The following PRLR variants were observed in gnomAD, a reference collection of about 807,000 sequenced individuals.
The protein encoded by PRLR is hPRL receptor.
PRLR carries 13 observed loss-of-function variants against 40.2 expected under a neutral mutation model. The observed-to-expected ratio is 0.32, with a 90% CI of 0.21 to 0.51. The LOEUF is 0.51. PRLR is among the 20% of genes least tolerant of loss of function. PRLR has a pLI of 0.97. For synonymous variants in PRLR, 269 were observed against 278.7 expected, an observed-to-expected ratio of 0.97 and a Z score of 0.35; for missense variants, 656 against 747.3, an observed-to-expected ratio of 0.88 and a Z score of 1.42.
chr5:35,208,026 C>T (rs1332029984), intron 1 of PRLR, among the ~76,000 whole-genome samples: 2 of 152,092 alleles, frequency 1.3e-5, no homozygotes, highest in Admixed American at 6.6e-5. Context: ...TACACTGAAG[C>T]ATTGCTTGTC....
At chr5:35,193,048 T>G (rs1259524337) in intron 1 of PRLR, among the ~76,000 whole-genome samples, 1 of 152,004 alleles carries the variant, frequency 6.6e-6, no homozygotes, top group Non-Finnish European at 1.5e-5. Context: ...AGCAACAGAG[T>G]CACCATGGGG....
chr5:35,220,593 T>C (rs193156498), intron 1 of PRLR, among the ~76,000 whole-genome samples: 3 of 152,318 alleles, frequency 2.0e-5, no homozygotes. Flanking sequence ...TTCCTCTTAC[T>C]GGAATCTAAA....
intron 1 of PRLR, among the ~76,000 whole-genome samples, chr5:35,193,565 T>C (rs1775660569): frequency 1.3e-5 from 2 of 152,128 alleles, no homozygotes; most frequent in South Asian, 4.1e-4. Context: ...AGCTAGGAAA[T>C]TCTGACTGGC....
At chr5:35,083,373 T>C (rs1442618560) in intron 5 of PRLR, among the ~76,000 whole-genome samples, 1 of 152,046 alleles carries the variant, frequency 6.6e-6, no homozygotes, top group African/African-American at 2.4e-5. Context: ...AGCTTGGAGA[T>C]GACCTTCCTG....
rs190564238 is a variant in PRLR, at chr5:35,161,955, G to T, written c.-105-43833C>A. ...ACAGAAAAAGCTTGAGGTTTGTCAG[G>T]TGATACTTTTTAAAGCCAATTTTCC... On this transcript the variant is annotated intron_variant, in intron 1 of 9. Transcript: ENST00000618457. 2.6e-4 allele frequency among the ~76,000 whole-genome samples: 40 copies of T among 152,322 alleles called. No individual in the cohort carries two copies. In the East Asian group the frequency reaches 7.5e-3, roughly 29 times the overall value.
intron 2 of PRLR, among the ~76,000 whole-genome samples, chr5:35,105,439 G>A (rs1772173589): frequency 1.3e-5 from 2 of 152,214 alleles, no homozygotes; most frequent in South Asian, 4.1e-4. Flanking sequence ...TGAGCTAAAG[G>A]AGGGTGTTCA....
intron 2 of PRLR, among the ~76,000 whole-genome samples, chr5:35,106,379 T>A (rs1772251666): frequency 6.6e-6 from 1 of 152,144 alleles, no homozygotes; most frequent in Non-Finnish European, 1.5e-5. Flanking sequence ...CATAACAATA[T>A]TAACCTTAAA....
intron 1 of PRLR, among the ~76,000 whole-genome samples, chr5:35,186,823 T>G (rs1368000647): frequency 6.6e-6 from 1 of 152,176 alleles, no homozygotes; most frequent in African/African-American, 2.4e-5. Context: ...TATAAGTGGT[T>G]ACACTAGGAA....
In PRLR at chr5:35,086,338, G is replaced by A; in HGVS notation, c.73C>T (p.Gln25Ter). 6 of 1,613,218 alleles carry A rather than the reference G, an allele frequency of 3.7e-6. No individual in the cohort carries two copies. The highest frequency in any genetic ancestry group is 5.1e-6 in the Non-Finnish European group (6 of 1,179,662). Residue 25 changes from glutamine (Q) to a stop codon, truncating the protein, a stop_gained and splice_region_variant, in exon 4 of 10, where the codon CAG becomes TAG. Transcript: ENST00000618457. LOFTEE classifies it high-confidence loss of function. The stretch of plus-strand genomic sequence containing the variant: ...ATCTCAGGTTTTCCAGGAGGTAACT[G>A]TCCTAGAAAAAGCCAGAAGCCACTG... ...LFLNTCLLNGQLPPGKPEIFK... is the reference protein window; with the variant it reads ...LFLNTCLLNG
At position 35,065,302 on chromosome 5, in the gene PRLR, G is replaced by C. The variant is rs1367288320; in HGVS notation, c.1656C>G (p.Val552=). The C allele has an allele frequency of 2.5e-6, 4 of 1,614,038 alleles. No homozygotes were observed. The African/African-American group carries it at 5.3e-5, about 22-fold the overall frequency. ...CCAACACCAGGATGTTGTTATCCATGACCCCGGACACCTTGGCATACTCCT... is the reference window on the plus strand; with the variant it reads ...CCAACACCAGGATGTTGTTATCCATCACCCCGGACACCTTGGCATACTCCT... ...NNKEYAKVSG[V]MDNNILVLVP... The change falls in exon 10 of 10, where the codon GTC becomes GTG. Residue 552 remains valine, a synonymous_variant. Coordinates refer to ENST00000618457, the MANE Select transcript of PRLR (RefSeq NM_000949.7).
chr5:35,157,186 C>T (rs949330538), intron 1 of PRLR, among the ~76,000 whole-genome samples: 1 of 152,104 alleles, frequency 6.6e-6, no homozygotes, highest in Non-Finnish European at 1.5e-5. Context: ...TGCAGGCAGT[C>T]CTTCAAAGTT....
chr5:35,224,906 C>G (rs1420697592), intron 1 of PRLR, among the ~76,000 whole-genome samples: 1 of 126,552 alleles, frequency 7.9e-6, no homozygotes, highest in Non-Finnish European at 1.8e-5. Context: ...ATTTGAGGGC[C>G]ACTTTAGCTA....
intron 5 of PRLR, among the ~76,000 whole-genome samples, chr5:35,073,665 A>G (rs1324863022): frequency 6.6e-6 from 1 of 152,208 alleles, no homozygotes; most frequent in Non-Finnish European, 1.5e-5. Flanking sequence ...TCACTCTACC[A>G]TGGTTGTAAG....
chr5:35,138,863 C>A (rs2111812588), intron 1 of PRLR, among the ~76,000 whole-genome samples: 1 of 152,216 alleles, frequency 6.6e-6, no homozygotes, highest in African/African-American at 2.4e-5. Flanking sequence ...GAAAAAAAAT[C>A]TTCCAGTTAA....
At chr5:35,162,138 C>A (rs1346282442) in intron 1 of PRLR, among the ~76,000 whole-genome samples, 1 of 152,184 alleles carries the variant, frequency 6.6e-6, no homozygotes, top group Admixed American at 6.5e-5. Context: ...GTCACAAGAC[C>A]TGCCAACCCT....
At chr5:35,206,698 A>C (rs1274731747) in intron 1 of PRLR, among the ~76,000 whole-genome samples, 1 of 152,082 alleles carries the variant, frequency 6.6e-6, no homozygotes, top group Admixed American at 6.5e-5. Flanking sequence ...CTTTAAGTGT[A>C]ACCACTTGTA....
chr5:35,194,325 G>A (rs1305737294), intron 1 of PRLR, among the ~76,000 whole-genome samples: 1 of 152,180 alleles, frequency 6.6e-6, no homozygotes, highest in Non-Finnish European at 1.5e-5. Flanking sequence ...GCCTGGTGCA[G>A]GTCAGTGAGG....
intron 2 of PRLR, among the ~76,000 whole-genome samples, chr5:35,100,470 G>A (rs757292069): frequency 4.6e-5 from 7 of 152,082 alleles, no homozygotes; most frequent in Non-Finnish European, 7.4e-5. Flanking sequence ...CTTTTATACT[G>A]TGTTTTTACT....
chr5:35,208,731 G>T (rs1776087315), intron 1 of PRLR, among the ~76,000 whole-genome samples: 1 of 151,894 alleles, frequency 6.6e-6, no homozygotes, highest in Non-Finnish European at 1.5e-5. Context: ...AAGATGAAAA[G>T]GGTTTATTTT....
Sources: allele counts gnomAD v4.1 joint callset (sites outside exome capture counted in the v4.1 genomes callset), GRCh38; gene constraint gnomAD v4.1.1; transcripts MANE v1.5; gene names NCBI Gene and HGNC (gene_info 2026-07-23, HGNC 2026-07-21).